The following IYD variants were observed in gnomAD, a reference collection of about 807,000 sequenced individuals.
IYD encodes iodotyrosine deiodinase.
IYD carries 25 observed loss-of-function variants against 28.4 expected under a neutral mutation model. The observed-to-expected ratio is 0.88, with a 90% CI of 0.64 to 1.23. The LOEUF (loss-of-function observed/expected upper bound fraction) is 1.23, where lower values mean the gene tolerates loss of function less well. Ranked by LOEUF, IYD falls within the 50% of genes most tolerant of loss-of-function variation. The pLI is 0.00. For synonymous variants in IYD, 140 were observed against 130.8 expected, an observed-to-expected ratio of 1.07 and a Z score of -0.48; for missense variants, 352 against 357.9, an observed-to-expected ratio of 0.98 and a Z score of 0.13.
intron 1 of IYD, among the ~76,000 whole-genome samples, chr6:150,389,009 C>T (rs1778009922): frequency 6.6e-6 from 1 of 151,994 alleles, no homozygotes; most frequent in Non-Finnish European, 1.5e-5. Flanking sequence ...GACTTTTCTT[C>T]CTTTTTTTAA....
chr6:150,370,216 TGC>T (rs1361125118), intron 1 of IYD, among the ~76,000 whole-genome samples: 1 of 142,318 alleles, frequency 7.0e-6, no homozygotes, highest in Non-Finnish European at 1.5e-5. Context: ...CATGTGTGTG[TGC>T]GCGTGCGTGT....
intron 4 of IYD, among the ~76,000 whole-genome samples, chr6:150,397,170 A>G (rs1044777095): frequency 6.6e-6 from 1 of 152,202 alleles, no homozygotes; most frequent in Non-Finnish European, 1.5e-5. Context: ...GGGTTCATAT[A>G]TATATGGGTT....
rs1465214025 is a variant in IYD, at chr6:150,394,221, C to T, written c.653C>T (p.Ser218Phe). Residue 218 changes from serine (S) to phenylalanine (F), a missense_variant, in exon 4 of 5, where the codon TCC becomes TTC. Transcript: ENST00000344419. Reference sequence around the variant, plus strand: ...CACTACTACAATGAGATCAGTGTTTCCATCGCTTGTGGCATCCTGCTAGCT... The same window carrying T: ...CACTACTACAATGAGATCAGTGTTTTCATCGCTTGTGGCATCCTGCTAGCT... ...KVHYYNEISV[S>F]IACGILLAAL... 1 of 1,614,082 alleles carries T rather than the reference C, an allele frequency of 6.2e-7. No homozygotes were observed. The highest frequency in any genetic ancestry group is 1.3e-5 in the African/African-American group (1 of 74,932).
At chr6:150,376,330 T>C (rs992222980) in intron 1 of IYD, among the ~76,000 whole-genome samples, 1 of 152,194 alleles carries the variant, frequency 6.6e-6, no homozygotes, top group African/African-American at 2.4e-5. Flanking sequence ...GTATAAGCAC[T>C]GGGGAATCGC....
At chr6:150,383,616 C>T (rs575055542) in intron 1 of IYD, among the ~76,000 whole-genome samples, 2 of 152,084 alleles carry the variant, frequency 1.3e-5, no homozygotes, top group African/African-American at 2.4e-5. Context: ...GATGCCACAA[C>T]CACAAATTGC....
intron 1 of IYD, among the ~76,000 whole-genome samples, chr6:150,374,735 G>A (rs1195151175): frequency 3.3e-5 from 5 of 152,150 alleles, no homozygotes; most frequent in Admixed American, 6.5e-5. Context: ...TAGCGACACA[G>A]CCAAACCATA....
intron 1 of IYD, among the ~76,000 whole-genome samples, chr6:150,386,303 T>C (rs1268470949): frequency 1.3e-5 from 2 of 152,126 alleles, no homozygotes; most frequent in Non-Finnish European, 2.9e-5. Context: ...GATTTTTCAA[T>C]ATGTAATAAT....
Position 150,405,333 on chromosome 6 carries a change from A to T in IYD, c.*7096A>T, listed in dbSNP as rs1209886824. 1 of 152,134 alleles carries T rather than the reference A, an allele frequency of 6.6e-6. No homozygotes were observed. The highest frequency in any genetic ancestry group is 2.4e-5 in the African/African-American group (1 of 41,416). 9.4% of individuals were successfully genotyped at this position (152,134 alleles called of 1,614,324 possible). On this transcript the variant is annotated 3_prime_UTR_variant, in exon 5 of 5. Transcript: ENST00000344419. Reference sequence around the variant, plus strand: ...TGTTAGTAGGCACCACAACCTTTTAATGCTCAAAATACTACTTTTGAGTCC... The same window carrying T: ...TGTTAGTAGGCACCACAACCTTTTATTGCTCAAAATACTACTTTTGAGTCC...
intron 1 of IYD, among the ~76,000 whole-genome samples, chr6:150,381,360 T>C (rs1469825143): frequency 6.6e-6 from 1 of 152,216 alleles, no homozygotes; most frequent in East Asian, 1.9e-4. Context: ...AAGTGTCTTT[T>C]CTCCTTTTTT....
At chr6:150,375,567 C>A (rs933797726) in intron 1 of IYD, among the ~76,000 whole-genome samples, 2 of 152,122 alleles carry the variant, frequency 1.3e-5, no homozygotes, top group East Asian at 3.8e-4. Context: ...TGCAAACGGT[C>A]AGTATCTACT....
intron 1 of IYD, among the ~76,000 whole-genome samples, chr6:150,376,823 T>C (rs1229712307): frequency 6.6e-6 from 1 of 151,762 alleles, no homozygotes; most frequent in Non-Finnish European, 1.5e-5. Context: ...GGTCTCTCTA[T>C]GTTGCCCAGG....
At chr6:150,374,563 G>A (rs1312759333) in intron 1 of IYD, among the ~76,000 whole-genome samples, 8 of 152,170 alleles carry the variant, frequency 5.3e-5, no homozygotes, top group East Asian at 1.9e-4. Context: ...AGAATCAAGC[G>A]AAAGGGGCTT....
At position 150,398,190 on chromosome 6, in the gene IYD, C is replaced by G. The variant is rs372023699; in HGVS notation, c.823C>G (p.Pro275Ala). Residue 275 changes from proline (P) to alanine (A), a missense_variant, in exon 5 of 5, where the codon CCT (proline) becomes GCT (alanine). By Grantham distance (27) the Pro-to-Ala change is conservative. Transcript: ENST00000344419. ...GTACCCCAGCAAGGAGGCCACGGTG[C>G]CTGACCTCAAGCGCAAACCTCTGGA... is the stretch of plus-strand genomic sequence containing the variant. The part of the protein sequence containing the change: ...VGYPSKEATV[P>A]DLKRKPLDQI... 1 of 1,614,048 alleles carries G rather than the reference C, an allele frequency of 6.2e-7. No individual in the cohort carries two copies. Among genetic ancestry groups the G allele is most frequent in the Non-Finnish European group, 8.5e-7 (1 of 1,180,044 alleles).
chr6:150,399,601 T>G lies in IYD; in HGVS notation c.*1364T>G, dbSNP rs1258260424. 6.6e-6 allele frequency: 1 copy of G among 152,254 alleles called. No individual in the cohort carries two copies. Among genetic ancestry groups the G allele is most frequent in the Non-Finnish European group, 1.5e-5 (1 of 68,076 alleles). 9.4% of individuals were successfully genotyped at this position (152,254 alleles called of 1,614,324 possible). On this transcript the variant is annotated 3_prime_UTR_variant, in exon 5 of 5. Coordinates refer to ENST00000344419, the MANE Select transcript of IYD (RefSeq NM_203395.3). ...CCCTGTGCGTTTCTTCTTCTTGTCC[T>G]CATTTTCCTTGAGAAAACTCTCTCT...
chr6:150,370,236 T>TGTGTGTGC (rs1263158558), intron 1 of IYD, among the ~76,000 whole-genome samples: 1 of 146,946 alleles, frequency 6.8e-6, no homozygotes, highest in African/African-American at 2.6e-5. Context: ...TGTGTGTGTG[T>TGTGTGTGC]GCATGAGAGT....
At chr6:150,394,766 T>C (rs1398098480) in intron 4 of IYD, among the ~76,000 whole-genome samples, 1 of 152,248 alleles carries the variant, frequency 6.6e-6, no homozygotes, top group African/African-American at 2.4e-5. Context: ...GATTGCTGTA[T>C]AGTTTTCAAA....
At chr6:150,388,370 G>A (rs1034083004) in intron 1 of IYD, among the ~76,000 whole-genome samples, 4 of 151,998 alleles carry the variant, frequency 2.6e-5, no homozygotes, top group Non-Finnish European at 5.9e-5. Flanking sequence ...ATACAGTAGA[G>A]AAAAAAATGT....
intron 4 of IYD, 58 bp from the exon 5 acceptor site, chr6:150,397,997 G>A (rs533332585): frequency 1.3e-4 from 198 of 1,521,318 alleles, no homozygotes; most frequent in Admixed American, 2.2e-4. Flanking sequence ...CCAGGTTAGA[G>A]GGAGAGCAGT....
intron 1 of IYD, among the ~76,000 whole-genome samples, chr6:150,373,078 G>A (rs2115014689): frequency 6.6e-6 from 1 of 152,246 alleles, no homozygotes; most frequent in Non-Finnish European, 1.5e-5. Context: ...AGTGTTAGTG[G>A]GGGATTCTTC....
Sources: allele counts gnomAD v4.1 joint callset (sites outside exome capture counted in the v4.1 genomes callset), GRCh38; gene constraint gnomAD v4.1.1; transcripts MANE v1.5; gene names NCBI Gene and HGNC (gene_info 2026-07-23, HGNC 2026-07-21).